Variants in STX5 observed in about 807,000 individuals in gnomAD.
The protein encoded by STX5 is syntaxin-5.
In STX5, 15 loss-of-function variants were observed where a neutral mutation model predicts 42.9. The ratio of observed to expected loss-of-function variants is 0.35; its 90% CI spans 0.23 to 0.54. STX5 has a LOEUF of 0.54. STX5 is among the 20% of genes least tolerant of loss of function. The pLI is 0.91. For missense variants in STX5, 430 were observed against 455.0 expected, an observed-to-expected ratio of 0.95 and a Z score of 0.50; for synonymous variants, 184 against 173.2, an observed-to-expected ratio of 1.06 and a Z score of -0.49.
At chr11:62,809,673 C>CAAAAAAAAAAAAAAAAA (rs749188946) in intron 10 of STX5, among the ~76,000 whole-genome samples, 1 of 19,178 alleles carries the variant, frequency 5.2e-5, no homozygotes, top group African/African-American at 1.4e-4. Context: ...GACTCTGTCT[C>CAAAAAAAAAAAAAAAAA]AAAAAAAAAA....
chr11:62,821,784 T>C lies in STX5; in HGVS notation c.908+2382A>G, dbSNP rs190255448. ...GGCTCATGCCTGTAATCCCAGCACT[T>C]TGGGAAGCTGAAGTGGGCGGATCAT... is the stretch of plus-strand genomic sequence containing the variant. On this transcript the variant is annotated intron_variant, in intron 10 of 10. Coordinates refer to ENST00000294179, the MANE Select transcript of STX5 (RefSeq NM_003164.5). Among the ~76,000 whole-genome samples, 443 of 152,010 alleles carry C rather than the reference T, an allele frequency of 2.9e-3. 2 individuals are homozygous for C. Among genetic ancestry groups the C allele is most frequent in the African/African-American group, 9.4e-3 (388 of 41,420 alleles).
chr11:62,827,076 C>G, intron 5 of STX5, 79 bp downstream of exon 5: 1 of 1,394,602 alleles, frequency 7.2e-7, no homozygotes. Flanking sequence ...GCTCTGGGTC[C>G]CCATGGCAAT....
chr11:62,807,299 G>T lies in STX5; in HGVS notation c.*170C>A. The T allele has an allele frequency of 9.9e-7, 1 of 1,010,630 alleles. No individual in the cohort carries two copies. Among genetic ancestry groups the T allele is most frequent in the Non-Finnish European group, 1.4e-6 (1 of 714,408 alleles). The allele number at this position is 1,010,630 out of a possible 1,614,324, so 62.6% of individuals were successfully genotyped here. A position where few individuals can be genotyped will look rare whatever the true frequency, so the allele number is the denominator to read the frequency against. ...CCTGAGGGTGGTGGGGGGAGGACAG[G>T]GTGGCCAGAGGCAAGGGGTGGGGGA... On this transcript the variant is annotated 3_prime_UTR_variant, in exon 11 of 11. Transcript: ENST00000294179.
At chr11:62,808,890 A>T (rs1343294891) in intron 10 of STX5, among the ~76,000 whole-genome samples, 1 of 152,258 alleles carries the variant, frequency 6.6e-6, no homozygotes, top group African/African-American at 2.4e-5. Context: ...AGTTGATGTC[A>T]TGAAAAATAA....
At chr11:62,830,162 C>CT (rs201147713) in intron 2 of STX5, among the ~76,000 whole-genome samples, 311 of 137,778 alleles carry the variant, frequency 2.3e-3, no homozygotes, top group Middle Eastern at 3.8e-3. Context: ...CCACGTCCAG[C>CT]TTTTTTTTTT....
chr11:62,824,101 C>T, intron 10 of STX5, 65 bp downstream of exon 10: 3 of 1,611,122 alleles, frequency 1.9e-6, no homozygotes, highest in Non-Finnish European at 2.5e-6. Flanking sequence ...TCCCTGGGGA[C>T]TTTAAGATGC....
chr11:62,808,845 T>C (rs2084583527), intron 10 of STX5, among the ~76,000 whole-genome samples: 1 of 152,206 alleles, frequency 6.6e-6, no homozygotes, highest in Non-Finnish European at 1.5e-5. Context: ...ACTAATTTAA[T>C]CAGTGTTAGA....
At chr11:62,813,056 TG>T (rs1456670470) in intron 10 of STX5, among the ~76,000 whole-genome samples, 36 of 142,320 alleles carry the variant, frequency 2.5e-4, no homozygotes, top group African/African-American at 9.6e-4. Flanking sequence ...AGGTTGCCAC[TG>T]CACTCCAGCC....
chr11:62,818,089 C>CA (rs2084695264), intron 10 of STX5, among the ~76,000 whole-genome samples: 2 of 151,694 alleles, frequency 1.3e-5, no homozygotes. Context: ...CCTAAAAATA[C>CA]AAAAAATTAG....
intron 8 of STX5, 42 bp from the exon 9 acceptor site, chr11:62,824,607 A>G: frequency 1.9e-6 from 3 of 1,598,436 alleles, no homozygotes; most frequent in East Asian, 2.2e-5. Context: ...AACAGTTAAA[A>G]GCAGGTTCAA....
At chr11:62,825,390 C>G in intron 6 of STX5, 33 bp downstream of exon 6, 1 of 1,614,150 alleles carries the variant, frequency 6.2e-7, no homozygotes. Context: ...CATTCTTCCT[C>G]TTTGCCTCCC....
intron 2 of STX5, chr11:62,830,480 A>C (rs1302585616): frequency 2.2e-6 from 1 of 454,210 alleles, no homozygotes; most frequent in African/African-American, 2.0e-5. Flanking sequence ...CTAGGAGTTC[A>C]AGACTGCAAG....
In STX5 at chr11:62,828,612, G is replaced by C. The variant is rs901622987; in HGVS notation, c.226-981C>G. 2.5e-4 allele frequency among the ~76,000 whole-genome samples: 38 copies of C among 151,978 alleles called. 1 individual carries two copies. Among genetic ancestry groups the C allele is most frequent in the African/African-American group, 8.0e-4 (33 of 41,358 alleles). On this transcript the variant is annotated intron_variant, in intron 2 of 10. Coordinates refer to ENST00000294179, the MANE Select transcript of STX5 (RefSeq NM_003164.5). ...GTGGTGGCATGCACCTGTAGTCCCA[G>C]CTACTCAGCAGGCTGAGGCCGGAGA...
At chr11:62,826,253 TA>T (rs553476941) in intron 5 of STX5, among the ~76,000 whole-genome samples, 152 of 132,128 alleles carry the variant, frequency 1.2e-3, no homozygotes, top group Middle Eastern at 5.1e-3. Flanking sequence ...GACTCCGTCT[TA>T]AAAAAAAAAA....
At chr11:62,813,288 A>C (rs372416551) in intron 10 of STX5, among the ~76,000 whole-genome samples, 18 of 152,198 alleles carry the variant, frequency 1.2e-4, no homozygotes, top group African/African-American at 2.2e-4. Flanking sequence ...ACAACAACAA[A>C]AAAAATCAGT....
chr11:62,831,501 G>C (rs2084863442), intron 1 of STX5, among the ~76,000 whole-genome samples: 1 of 151,966 alleles, frequency 6.6e-6, no homozygotes, highest in African/African-American at 2.4e-5. Context: ...AGCGCGGGCC[G>C]GGGACCCTGA....
chr11:62,814,043 C>A (rs1247411903), intron 10 of STX5, among the ~76,000 whole-genome samples: 1 of 152,058 alleles, frequency 6.6e-6, no homozygotes, highest in Non-Finnish European at 1.5e-5. Flanking sequence ...CTCTAGGCTC[C>A]CACCAGACAT....
chr11:62,831,996 C>T lies in STX5; in HGVS notation c.-62G>A. ...CCGCCGCCGCCACTTCCAATCTCAC[C>T]GGCCGTCACTGCCTCCTCCCCGAGC... is the stretch of plus-strand genomic sequence containing the variant. On this transcript the variant is annotated 5_prime_UTR_variant, in exon 1 of 11. Coordinates refer to ENST00000294179, the MANE Select transcript of STX5 (RefSeq NM_003164.5). 1 of 467,406 alleles carries T rather than the reference C, an allele frequency of 2.1e-6. No homozygotes were observed. Among genetic ancestry groups the T allele is most frequent in the Non-Finnish European group, 4.3e-6 (1 of 234,832 alleles). 29.0% of individuals were successfully genotyped at this position (467,406 alleles called of 1,614,324 possible).
intron 5 of STX5, 77 bp from the exon 6 acceptor site, chr11:62,825,616 T>G: frequency 7.7e-7 from 1 of 1,301,042 alleles, no homozygotes; most frequent in Non-Finnish European, 1.1e-6. Context: ...TGGCCATCTC[T>G]GGTAGGAAGG....
Sources: gnomAD v4.1 joint callset for allele counts (sites outside exome capture counted in the v4.1 genomes callset) on GRCh38, gnomAD v4.1.1 for gene constraint, MANE v1.5 for transcripts, NCBI Gene and HGNC (gene_info 2026-07-23, HGNC 2026-07-21) for gene names.